Variants in PRKCA observed in about 807,000 individuals in gnomAD.
PRKCA encodes the protein protein kinase C alpha type.
A neutral mutation model predicts 87.0 loss-of-function variants in PRKCA; 27 were observed. The ratio of observed to expected loss-of-function variants is 0.31; its 90% CI spans 0.23 to 0.43. PRKCA has a LOEUF of 0.43. Ranked by LOEUF, PRKCA falls within the 20% of genes least tolerant of loss-of-function variation. The pLI, the probability that PRKCA is intolerant of heterozygous loss-of-function variation, is 1.00. For missense variants in PRKCA, 518 were observed against 852.3 expected, an observed-to-expected ratio of 0.61 and a Z score of 4.88; for synonymous variants, 329 against 311.1, an observed-to-expected ratio of 1.06 and a Z score of -0.61.
At position 66,809,084 on chromosome 17, in the gene PRKCA, G is replaced by T. The variant is rs1453249614; in HGVS notation, c.*5047G>T. ...AATACACTGGACGGTCAACATTCCT[G>T]TCTCCTCCCATTTGGGCTGATGCAG... On this transcript the variant is annotated 3_prime_UTR_variant, in exon 17 of 17. Coordinates refer to ENST00000413366, the MANE Select transcript of PRKCA (RefSeq NM_002737.3). 1 of 152,172 alleles carries T rather than the reference G, an allele frequency of 6.6e-6. No individual in the cohort carries two copies. Among genetic ancestry groups the T allele is most frequent in the Non-Finnish European group, 1.5e-5 (1 of 68,038 alleles). The allele number at this position is 152,172 out of a possible 1,614,324, so 9.4% of individuals were successfully genotyped here. A position where few individuals can be genotyped will look rare whatever the true frequency, so the allele number is the denominator to read the frequency against.
chr17:66,785,859 C>T (rs574998663), intron 14 of PRKCA, among the ~76,000 whole-genome samples: 25 of 152,314 alleles, frequency 1.6e-4, no homozygotes, highest in African/African-American at 2.9e-4. Flanking sequence ...GACGGAGTCT[C>T]GCTCTGTCAC....
At chr17:66,422,644 T>C (rs555684409) in intron 2 of PRKCA, among the ~76,000 whole-genome samples, 11 of 152,322 alleles carry the variant, frequency 7.2e-5, no homozygotes, top group Non-Finnish European at 1.6e-4. Flanking sequence ...CAACTTCTTT[T>C]AGCCAGTCCT....
At chr17:66,393,948 G>C (rs533701854) in intron 2 of PRKCA, among the ~76,000 whole-genome samples, 2 of 152,010 alleles carry the variant, frequency 1.3e-5, no homozygotes, top group African/African-American at 4.8e-5. Flanking sequence ...GGTGGCAGAC[G>C]CCTGTAATCC....
chr17:66,512,345 G>C (rs1361540143), intron 3 of PRKCA, among the ~76,000 whole-genome samples: 1 of 152,116 alleles, frequency 6.6e-6, no homozygotes, highest in Non-Finnish European at 1.5e-5. Context: ...AGGTGGCTGA[G>C]GCAGGAGAAT....
chr17:66,660,781 C>T lies in PRKCA; in HGVS notation c.529+15270C>T, dbSNP rs574218794. ...AAAATTAGCCGGGTGTGGTGGCGGG[C>T]GCCTGTAGTCCCAGCTACTCGGGAG... On this transcript the variant is annotated intron_variant, in intron 5 of 16. Transcript: ENST00000413366. Among the ~76,000 whole-genome samples, 124 of 151,928 alleles carry T rather than the reference C, an allele frequency of 8.2e-4. No homozygotes were observed. The East Asian group carries it at 0.019, about 23-fold the overall frequency.
chr17:66,628,328 A>G (rs1404371308), intron 3 of PRKCA, among the ~76,000 whole-genome samples: 2 of 152,182 alleles, frequency 1.3e-5, no homozygotes, highest in African/African-American at 4.8e-5. Flanking sequence ...GAAAAACAAA[A>G]TCACCTGAAT....
At chr17:66,591,330 T>TA (rs907042594) in intron 3 of PRKCA, among the ~76,000 whole-genome samples, 26 of 151,704 alleles carry the variant, frequency 1.7e-4, no homozygotes, top group Non-Finnish European at 2.4e-4. Flanking sequence ...TTTTTTTTTT[T>TA]TTTATTTTAG....
chr17:66,528,008 G>A (rs1222367035), intron 3 of PRKCA, among the ~76,000 whole-genome samples: 2 of 152,028 alleles, frequency 1.3e-5, no homozygotes, highest in Non-Finnish European at 2.9e-5. Context: ...GACTAGCCTG[G>A]CCAACATGGT....
At chr17:66,473,088 C>A (rs1915391144) in intron 2 of PRKCA, among the ~76,000 whole-genome samples, 1 of 152,144 alleles carries the variant, frequency 6.6e-6, no homozygotes, top group Non-Finnish European at 1.5e-5. Flanking sequence ...TCCACTCCCC[C>A]ACTCCCCCAT....
chr17:66,726,704 T>C (rs1358033077), intron 8 of PRKCA, among the ~76,000 whole-genome samples: 1 of 149,678 alleles, frequency 6.7e-6, no homozygotes, highest in East Asian at 2.0e-4. Context: ...GGGAAGCCGG[T>C]GAATCCAGGA....
At chr17:66,681,981 G>A (rs1173773248) in intron 5 of PRKCA, among the ~76,000 whole-genome samples, 1 of 152,192 alleles carries the variant, frequency 6.6e-6, no homozygotes, top group Non-Finnish European at 1.5e-5. Context: ...TCATTGCCTA[G>A]CCTGCACTGT....
At chr17:66,534,059 G>C (rs1231017689) in intron 3 of PRKCA, among the ~76,000 whole-genome samples, 1 of 151,902 alleles carries the variant, frequency 6.6e-6, no homozygotes, top group Admixed American at 6.6e-5. Flanking sequence ...TTCTGGAACT[G>C]CTGCCCCCCG....
rs201267101 is a variant in PRKCA at position 66,759,213 on chromosome 17, G to A, written c.1525-14774G>A. On this transcript the variant is annotated intron_variant, in intron 13 of 16. Coordinates refer to ENST00000413366, the MANE Select transcript of PRKCA (RefSeq NM_002737.3). ...AATAAAAATACAAAAAAAATTAGCCGGGCGTGGTGGCGGGCACCTGTAGTC... is the reference window on the plus strand; with the variant it reads ...AATAAAAATACAAAAAAAATTAGCCAGGCGTGGTGGCGGGCACCTGTAGTC... Among the ~76,000 whole-genome samples the A allele has an allele frequency of 1.1e-4, 16 of 152,060 alleles. 1 individual carries two copies. The highest frequency in any genetic ancestry group is 5.8e-4 in the East Asian group (3 of 5,162).
At chr17:66,796,433 G>T in intron 16 of PRKCA, 1 of 985,046 alleles carries the variant, frequency 1.0e-6, no homozygotes, top group Non-Finnish European at 1.2e-6. Flanking sequence ...TCCTTTGTCC[G>T]TTCTTATTCT....
intron 2 of PRKCA, among the ~76,000 whole-genome samples, chr17:66,330,550 T>G (rs1906266842): frequency 6.6e-6 from 1 of 152,218 alleles, no homozygotes. Context: ...TAATGTCTAT[T>G]CATCCTGTCA....
At chr17:66,413,557 A>G (rs1026907815) in intron 2 of PRKCA, among the ~76,000 whole-genome samples, 2 of 152,194 alleles carry the variant, frequency 1.3e-5, no homozygotes, top group Admixed American at 6.5e-5. Flanking sequence ...CCTACGCATC[A>G]GGAGACTATT....
chr17:66,337,190 G>A (rs919544192), intron 2 of PRKCA, among the ~76,000 whole-genome samples: 1 of 152,092 alleles, frequency 6.6e-6, no homozygotes. Flanking sequence ...TAGGAAGGGG[G>A]CAGGCAGGGA....
chr17:66,378,789 T>C (rs1299065115), intron 2 of PRKCA, among the ~76,000 whole-genome samples: 1 of 151,514 alleles, frequency 6.6e-6, no homozygotes, highest in Non-Finnish European at 1.5e-5. Flanking sequence ...TAATCCCAGC[T>C]ACTTGGGAGG....
chr17:66,321,402 A>T (rs1311943630), intron 2 of PRKCA, among the ~76,000 whole-genome samples: 1 of 152,214 alleles, frequency 6.6e-6, no homozygotes, highest in Non-Finnish European at 1.5e-5. Context: ...TTTGATATGT[A>T]TGAATAATTT....
Sources: gnomAD v4.1 joint callset for allele counts (sites outside exome capture counted in the v4.1 genomes callset) on GRCh38, gnomAD v4.1.1 for gene constraint, MANE v1.5 for transcripts, NCBI Gene and HGNC (gene_info 2026-07-23, HGNC 2026-07-21) for gene names.